Variants in ADAM10 observed in about 807,000 individuals in gnomAD.
The protein encoded by ADAM10 is ADAM metallopeptidase domain 10, also known as disintegrin and metalloproteinase domain-containing protein 10.
Under a neutral mutation model 90.1 loss-of-function variants are expected in ADAM10, and 17 were observed. The ratio of observed to expected loss-of-function variants is 0.19; its 90% confidence interval spans 0.13 to 0.28. The LOEUF (loss-of-function observed/expected upper bound fraction) is 0.28, where lower values mean the gene tolerates loss of function less well. ADAM10 is among the 10% of genes least tolerant of loss of function. The pLI is 1.00. For synonymous variants in ADAM10, 310 were observed against 298.6 expected, an observed-to-expected ratio of 1.04 and a Z score of -0.40; for missense variants, 610 against 914.3, an observed-to-expected ratio of 0.67 and a Z score of 4.29.
rs183018915 is a variant in ADAM10, at chr15:58,592,848, C to T, written c.*4699G>A. 1 of 150,420 alleles carries T rather than the reference C, an allele frequency of 6.6e-6. No individual in the cohort carries two copies. The highest frequency in any genetic ancestry group is 2.4e-5 in the African/African-American group (1 of 41,198). The allele number at this position is 150,420 out of a possible 1,614,324, so 9.3% of individuals were successfully genotyped here. On this transcript the variant is annotated 3_prime_UTR_variant, in exon 16 of 16. Transcript: ENST00000260408. Reference sequence around the variant, plus strand: ...ATTTTTATCAATGTCCCTCAAAAAACCTTTACCCCAACAATTCCACTTTTA... The same window carrying T: ...ATTTTTATCAATGTCCCTCAAAAAATCTTTACCCCAACAATTCCACTTTTA...
At chr15:58,619,565 A>T (rs1213271108) in intron 11 of ADAM10, among the ~76,000 whole-genome samples, 1 of 152,238 alleles carries the variant, frequency 6.6e-6, no homozygotes, top group Non-Finnish European at 1.5e-5. Context: ...GTATCAAAAT[A>T]TCACATATAC....
chr15:58,621,542 T>C lies in ADAM10; in HGVS notation c.1440A>G (p.Lys480=), dbSNP rs1895787708. Residue 480 remains lysine (K), a synonymous_variant, in exon 11 of 16, where the codon AAA becomes AAG. Coordinates refer to ENST00000260408, the MANE Select transcript of ADAM10 (RefSeq NM_001110.4). ...GATTTGCATCGAAGCAGCATTCATC[T>C]TTACACTGGTCACTATAGCCACAAT... is the stretch of plus-strand genomic sequence containing the variant. ...ECDCGYSDQC[K]DECCFDANQP... is the part of the protein sequence containing the mutation. 6.2e-7 allele frequency: 1 copy of C among 1,614,174 alleles called. No individual in the cohort carries two copies. The highest frequency in any genetic ancestry group is 8.5e-7 in the Non-Finnish European group (1 of 1,180,026).
chr15:58,722,905 T>C (rs990001153), intron 1 of ADAM10, among the ~76,000 whole-genome samples: 8 of 151,904 alleles, frequency 5.3e-5, no homozygotes, highest in African/African-American at 1.7e-4. Flanking sequence ...CTAACTTTTG[T>C]ATTTCTTGTA....
chr15:58,696,942 G>A (rs1300364159), intron 2 of ADAM10, among the ~76,000 whole-genome samples: 2 of 152,068 alleles, frequency 1.3e-5, no homozygotes, highest in Non-Finnish European at 2.9e-5. Flanking sequence ...GGGCCAAACA[G>A]CCCCGGCATC....
intron 1 of ADAM10, among the ~76,000 whole-genome samples, chr15:58,726,543 C>T (rs553084083): frequency 9.4e-6 from 1 of 106,240 alleles, no homozygotes; most frequent in African/African-American, 3.8e-5. Flanking sequence ...CCAGCCTGGG[C>T]GACAGAGCGA....
chr15:58,683,608 T>C (rs1897503186), intron 2 of ADAM10, among the ~76,000 whole-genome samples: 1 of 152,034 alleles, frequency 6.6e-6, no homozygotes, highest in Non-Finnish European at 1.5e-5. Flanking sequence ...ATGCCTGTAA[T>C]CCCAGAACTT....
At chr15:58,603,534 T>A (rs1895172560) in intron 14 of ADAM10, among the ~76,000 whole-genome samples, 1 of 152,222 alleles carries the variant, frequency 6.6e-6, no homozygotes, top group African/African-American at 2.4e-5. Flanking sequence ...ACACTTCTCT[T>A]CCTAAAGTCA....
chr15:58,723,134 A>C (rs1898914041), intron 1 of ADAM10, among the ~76,000 whole-genome samples: 1 of 152,114 alleles, frequency 6.6e-6, no homozygotes, highest in East Asian at 1.9e-4. Context: ...CAAGGAATGA[A>C]ATAATATTTT....
chr15:58,612,746 C>T (rs950299075), intron 11 of ADAM10, among the ~76,000 whole-genome samples: 2 of 152,188 alleles, frequency 1.3e-5, no homozygotes, highest in African/African-American at 4.8e-5. Context: ...TTCCCTGGAC[C>T]CAAGCCCGGG....
At chr15:58,617,332 ATAAT>A (rs1400876931) in intron 11 of ADAM10, among the ~76,000 whole-genome samples, 4 of 152,120 alleles carry the variant, frequency 2.6e-5, no homozygotes, top group South Asian at 4.1e-4. Flanking sequence ...AAACCGAATG[ATAAT>A]TAATAAATCC....
chr15:58,647,126 T>C (rs914709611), intron 5 of ADAM10, among the ~76,000 whole-genome samples: 4 of 152,298 alleles, frequency 2.6e-5, no homozygotes, highest in Admixed American at 6.5e-5. Flanking sequence ...ATTTAATTTC[T>C]GTCCACATCC....
At chr15:58,607,351 A>C in intron 14 of ADAM10, among the ~76,000 whole-genome samples, 1 of 152,248 alleles carries the variant, frequency 6.6e-6, no homozygotes, top group Non-Finnish European at 1.5e-5. Context: ...ACATCTAAGG[A>C]TATTTAGGAC....
At chr15:58,731,409 A>C (rs1218868824) in intron 1 of ADAM10, among the ~76,000 whole-genome samples, 1 of 152,070 alleles carries the variant, frequency 6.6e-6, no homozygotes, top group African/African-American at 2.4e-5. Context: ...GCTTAAACCC[A>C]GGAATTAGAG....
intron 2 of ADAM10, among the ~76,000 whole-genome samples, chr15:58,709,387 T>C (rs1439463950): frequency 6.6e-6 from 1 of 152,196 alleles, no homozygotes; most frequent in African/African-American, 2.4e-5. Context: ...ACTAGGCATA[T>C]ACGTAATTTC....
At chr15:58,622,480 A>G (rs1156587373) in intron 10 of ADAM10, among the ~76,000 whole-genome samples, 1 of 152,218 alleles carries the variant, frequency 6.6e-6, no homozygotes, top group Non-Finnish European at 1.5e-5. Flanking sequence ...TTGATCTGTT[A>G]AAGAAGTTGG....
At chr15:58,608,571 A>C (rs369560315) in intron 14 of ADAM10, among the ~76,000 whole-genome samples, 1 of 152,200 alleles carries the variant, frequency 6.6e-6, no homozygotes, top group Admixed American at 6.5e-5. Context: ...ATATAAAATA[A>C]AGGCATGTTC....
At chr15:58,749,099 TGCG>T (rs1899889206) in intron 1 of ADAM10, 1 of 397,914 alleles carries the variant, frequency 2.5e-6, no homozygotes, top group African/African-American at 2.1e-5. Flanking sequence ...CCAGCCTCGC[TGCG>T]GCTGCCTGCA....
At chr15:58,603,305 C>T (rs12591290) in intron 14 of ADAM10, among the ~76,000 whole-genome samples, 21,386 of 152,094 alleles carry the variant, frequency 0.14, 1,786 homozygotes, top group South Asian at 0.32. Flanking sequence ...CAAAGCAGTA[C>T]ACGACCATTT....
chr15:58,624,915 C>A (rs1314034412), intron 10 of ADAM10, among the ~76,000 whole-genome samples: 1 of 152,102 alleles, frequency 6.6e-6, no homozygotes, highest in Non-Finnish European at 1.5e-5. Context: ...CCTGTTAATA[C>A]CTACAAAGCA....
Sources: gnomAD v4.1 joint callset for allele counts (sites outside exome capture counted in the v4.1 genomes callset) on GRCh38, gnomAD v4.1.1 for gene constraint, MANE v1.5 for transcripts, NCBI Gene and HGNC (gene_info 2026-07-23, HGNC 2026-07-21) for gene names.